DOCK1: variants seen among roughly 807,000 people sequenced by gnomAD.
The protein encoded by DOCK1 is dedicator of cytokinesis 1.
In DOCK1, 138 loss-of-function variants were observed where a neutral mutation model predicts 262.7. That is an observed-to-expected ratio of 0.53 (90% CI 0.46 to 0.61). The LOEUF (loss-of-function observed/expected upper bound fraction) is 0.61. Ranked by LOEUF, DOCK1 falls within the 20% of genes least tolerant of loss-of-function variation. DOCK1 has a pLI of 0.00. For missense variants in DOCK1, 1,908 were observed against 2,370.7 expected (o/e 0.80, Z 4.05); for synonymous variants, 866 against 867.4 (o/e 1.00, Z 0.03).
At chr10:127,256,049 C>G (rs2059816875) in intron 28 of DOCK1, among the ~76,000 whole-genome samples, 1 of 152,196 alleles carries the variant, frequency 6.6e-6, no homozygotes, top group Non-Finnish European at 1.5e-5. Context: ...TCTGGACTGA[C>G]TTTTCCAACT....
At chr10:127,023,133 T>TG in intron 13 of DOCK1, 67 bp from the exon 14 acceptor site, 1 of 1,565,390 alleles carries the variant, frequency 6.4e-7, no homozygotes, top group Non-Finnish European at 8.7e-7. Context: ...TAGACAGTCT[T>TG]GCAAAATTCA....
intron 27 of DOCK1, among the ~76,000 whole-genome samples, chr10:127,195,707 C>A (rs2057075448): frequency 6.6e-6 from 1 of 152,228 alleles, no homozygotes; most frequent in Non-Finnish European, 1.5e-5. Context: ...CGCAGAGGCG[C>A]AGCCCCGCTC....
chr10:127,214,175 C>G (rs1393887127), intron 27 of DOCK1, among the ~76,000 whole-genome samples: 1 of 152,082 alleles, frequency 6.6e-6, no homozygotes, highest in East Asian at 1.9e-4. Flanking sequence ...CAAAACAGAT[C>G]ATTCATACAA....
In DOCK1 at chr10:127,446,181, C is replaced by T. The variant is rs1434634892; in HGVS notation, c.5414-1213C>T. Among the ~76,000 whole-genome samples the T allele has an allele frequency of 6.6e-6, 1 of 151,470 alleles. No individual in the cohort carries two copies. The highest frequency in any genetic ancestry group is 1.5e-5 in the Non-Finnish European group (1 of 67,946). On this transcript the variant is annotated intron_variant, in intron 50 of 51. Coordinates refer to ENST00000623213, the MANE Select transcript of DOCK1 (RefSeq NM_001290223.2). This position sits in a 1 kb window ranked among gnomAD's most constrained non-coding sequence, Gnocchi z 4.4. ...AGGAGAATCACTTGAACCTGGGAGG[C>T]GGAGGTTGCAGTGAGCTGAGATCGC... is the stretch of plus-strand genomic sequence containing the variant.
At position 127,336,706 on chromosome 10, in the gene DOCK1, A is replaced by AT. The variant is rs538665884; in HGVS notation, c.3045-2294dup. On this transcript the variant is annotated intron_variant, in intron 29 of 51. Transcript: ENST00000623213. Reference sequence around the variant, plus strand: ...AGGTGCCCGCCACCACACCCAGCTAATTTTTTGTATTTTTAGTAGAAACGG... The same window carrying AT: ...AGGTGCCCGCCACCACACCCAGCTAATTTTTTTGTATTTTTAGTAGAAACGG... 3.9e-5 allele frequency among the ~76,000 whole-genome samples: 6 copies of AT among 151,996 alleles called. No individual in the cohort carries two copies. The East Asian group carries it at 5.8e-4, about 15-fold the overall frequency.
At chr10:127,256,152 C>T (rs1384659884) in intron 28 of DOCK1, among the ~76,000 whole-genome samples, 1 of 152,180 alleles carries the variant, frequency 6.6e-6, no homozygotes, top group African/African-American at 2.4e-5. Context: ...GGTGGGGGCA[C>T]ACCAAACTCC....
At chr10:127,151,799 C>G (rs369035430) in intron 27 of DOCK1, among the ~76,000 whole-genome samples, 2 of 152,296 alleles carry the variant, frequency 1.3e-5, no homozygotes, top group East Asian at 3.9e-4. Context: ...GTTCTTCTAG[C>G]AAGTGGACCA....
At chr10:127,139,203 A>T (rs905098867) in intron 27 of DOCK1, among the ~76,000 whole-genome samples, 3 of 152,220 alleles carry the variant, frequency 2.0e-5, no homozygotes, top group African/African-American at 7.2e-5. Context: ...ATTTATAAAC[A>T]TGAAATCCTA....
intron 29 of DOCK1, among the ~76,000 whole-genome samples, chr10:127,265,984 A>C (rs1193937952): frequency 6.6e-6 from 1 of 152,192 alleles, no homozygotes; most frequent in East Asian, 1.9e-4. Context: ...CGTTGACCAC[A>C]CTGAGCTGAG....
intron 27 of DOCK1, among the ~76,000 whole-genome samples, chr10:127,236,891 G>A (rs111402944): frequency 1.3e-3 from 194 of 151,976 alleles, no homozygotes; most frequent in Non-Finnish European, 1.5e-3. Flanking sequence ...ATCATGATCC[G>A]AGTTTTACAG....
intron 19 of DOCK1, among the ~76,000 whole-genome samples, chr10:127,042,261 G>A (rs1040351469): frequency 6.6e-6 from 1 of 152,114 alleles, no homozygotes; most frequent in African/African-American, 2.4e-5. Context: ...TTCACTAGCT[G>A]AAGTCCTGTA....
At chr10:127,350,387 C>T (rs1419489615) in intron 31 of DOCK1, among the ~76,000 whole-genome samples, 5 of 152,168 alleles carry the variant, frequency 3.3e-5, no homozygotes, top group Non-Finnish European at 5.9e-5. Flanking sequence ...CTACTCCCTC[C>T]CTGCCATGGG....
At chr10:127,118,054 G>A (rs572970077) in intron 25 of DOCK1, among the ~76,000 whole-genome samples, 17 of 152,242 alleles carry the variant, frequency 1.1e-4, no homozygotes, top group Non-Finnish European at 1.8e-4. Context: ...CAGGAGGGGA[G>A]TTTGTGCAGG....
intron 29 of DOCK1, among the ~76,000 whole-genome samples, chr10:127,290,889 G>T (rs1224526660): frequency 6.6e-6 from 1 of 152,212 alleles, no homozygotes; most frequent in Non-Finnish European, 1.5e-5. Flanking sequence ...GAACATTTGT[G>T]TGCAGTTTTT....
intron 10 of DOCK1, among the ~76,000 whole-genome samples, chr10:127,007,873 A>G (rs1027807128): frequency 2.6e-5 from 4 of 152,166 alleles, no homozygotes; most frequent in African/African-American, 9.7e-5. Flanking sequence ...ATTTGCCTTG[A>G]AGTGTCCTCT....
At chr10:127,333,190 C>T (rs2063057765) in intron 29 of DOCK1, among the ~76,000 whole-genome samples, 1 of 152,098 alleles carries the variant, frequency 6.6e-6, no homozygotes, top group Admixed American at 6.5e-5. Flanking sequence ...GATTTAAATG[C>T]CCTCATATTG....
intron 44 of DOCK1, among the ~76,000 whole-genome samples, chr10:127,417,683 A>C (rs61870353): frequency 0.094 from 14,245 of 152,116 alleles, 783 homozygotes; most frequent in South Asian, 0.16. Flanking sequence ...TCAAGTAATT[A>C]TCCTGCCTTA....
intron 1 of DOCK1, among the ~76,000 whole-genome samples, chr10:126,930,841 G>A (rs1465173172): frequency 5.9e-5 from 9 of 152,204 alleles, no homozygotes; most frequent in Non-Finnish European, 2.9e-5. Flanking sequence ...CTCTAGGTGA[G>A]TACCCCCTAC....
At chr10:126,998,028 AAAG>A in intron 7 of DOCK1, 61 bp from the exon 8 acceptor site, 1 of 1,589,304 alleles carries the variant, frequency 6.3e-7, no homozygotes, top group Non-Finnish European at 8.6e-7. Context: ...TGTAGGGAAT[AAAG>A]AAAGCAAGTG....
Sources: allele counts gnomAD v4.1 joint callset (sites outside exome capture counted in the v4.1 genomes callset), GRCh38; gene constraint gnomAD v4.1.1; non-coding constraint Gnocchi (gnomAD v3.1); transcripts MANE v1.5; gene names NCBI Gene and HGNC (gene_info 2026-07-23, HGNC 2026-07-21).